Variants in EPHA5 observed in about 807,000 individuals in gnomAD.
EPHA5 encodes ephrin type-A receptor 5.
EPHA5 carries 60 observed loss-of-function variants against 105.0 expected under a neutral mutation model. That is an observed-to-expected ratio of 0.57 (90% CI 0.46 to 0.71). EPHA5 has a LOEUF of 0.71. Ranked by LOEUF, EPHA5 falls within the 30% of genes least tolerant of loss-of-function variation. The pLI is 0.00. For synonymous variants in EPHA5, 513 were observed against 449.1 expected, an observed-to-expected ratio of 1.14 and a Z score of -1.80; for missense variants, 1,218 against 1,274.7, an observed-to-expected ratio of 0.96 and a Z score of 0.68.
chr4:65,394,631 C>T (rs549696609), intron 8 of EPHA5, among the ~76,000 whole-genome samples: 1 of 152,062 alleles, frequency 6.6e-6, no homozygotes, highest in South Asian at 2.1e-4. Context: ...TTCTCTGTGT[C>T]AAGGAAGTTT....
intron 2 of EPHA5, among the ~76,000 whole-genome samples, chr4:65,609,932 C>T (rs770737720): frequency 2.3e-4 from 35 of 151,938 alleles, no homozygotes; most frequent in Non-Finnish European, 3.8e-4. Flanking sequence ...TGCTATTCTA[C>T]TTTTAATGAG....
At chr4:65,510,160 G>A (rs573881220) in intron 3 of EPHA5, among the ~76,000 whole-genome samples, 9 of 149,746 alleles carry the variant, frequency 6.0e-5, no homozygotes, top group East Asian at 2.0e-4. Context: ...TCAGCCTCCC[G>A]AGTAGCTGGT....
At chr4:65,362,081 C>T (rs543556829) in intron 11 of EPHA5, among the ~76,000 whole-genome samples, 78 of 151,478 alleles carry the variant, frequency 5.1e-4, no homozygotes, top group Admixed American at 1.3e-3. Flanking sequence ...TTATGTCATT[C>T]GTCATGAAAG....
At chr4:65,598,613 C>T (rs138602946) in intron 3 of EPHA5, among the ~76,000 whole-genome samples, 1 of 152,054 alleles carries the variant, frequency 6.6e-6, no homozygotes, top group Non-Finnish European at 1.5e-5. Context: ...AATAATAGTT[C>T]TAAATTGTTT....
chr4:65,345,591 A>C (rs1411486879), intron 14 of EPHA5, among the ~76,000 whole-genome samples: 1 of 152,212 alleles, frequency 6.6e-6, no homozygotes, highest in Non-Finnish European at 1.5e-5. Flanking sequence ...GAGAGGAACT[A>C]TGGAAAGTCG....
chr4:65,383,384 G>C (rs10025570), intron 8 of EPHA5, among the ~76,000 whole-genome samples: 7,704 of 151,772 alleles, frequency 0.051, 322 homozygotes, highest in East Asian at 0.1. Flanking sequence ...AGGTTAGAAA[G>C]AGTTATGTTC....
intron 16 of EPHA5, chr4:65,331,439 G>A (rs1230931294): frequency 2.4e-5 from 25 of 1,046,384 alleles, no homozygotes; most frequent in Non-Finnish European, 2.9e-5. Context: ...ACAAATCAGA[G>A]GCGGGATCTG....
intron 8 of EPHA5, among the ~76,000 whole-genome samples, chr4:65,401,430 C>T (rs996061389): frequency 1.3e-5 from 2 of 151,878 alleles, no homozygotes; most frequent in African/African-American, 4.8e-5. Flanking sequence ...GTAGTTTGTC[C>T]ATGAAGAGTA....
At chr4:65,567,882 T>A (rs1041438861) in intron 3 of EPHA5, among the ~76,000 whole-genome samples, 1 of 151,586 alleles carries the variant, frequency 6.6e-6, no homozygotes, top group Non-Finnish European at 1.5e-5. Flanking sequence ...AGTCTGATCC[T>A]CCTGTTTAAA....
intron 5 of EPHA5, among the ~76,000 whole-genome samples, chr4:65,425,951 C>T (rs949439583): frequency 6.6e-6 from 1 of 152,040 alleles, no homozygotes; most frequent in Non-Finnish European, 1.5e-5. Context: ...CTTGCTTAGT[C>T]CTTAGAATAT....
At chr4:65,429,573 A>G (rs1724781971) in intron 5 of EPHA5, among the ~76,000 whole-genome samples, 1 of 152,074 alleles carries the variant, frequency 6.6e-6, no homozygotes, top group Admixed American at 6.6e-5. Flanking sequence ...CAAAACAAAC[A>G]CATCATAAAT....
intron 8 of EPHA5, among the ~76,000 whole-genome samples, chr4:65,383,278 A>G (rs1200716628): frequency 6.6e-6 from 1 of 151,026 alleles, no homozygotes; most frequent in Non-Finnish European, 1.5e-5. Flanking sequence ...TTCCATTAAG[A>G]AAATTAAAGT....
At chr4:65,458,364 A>G (rs1203208280) in intron 5 of EPHA5, among the ~76,000 whole-genome samples, 3 of 152,172 alleles carry the variant, frequency 2.0e-5, no homozygotes, top group Non-Finnish European at 2.9e-5. Flanking sequence ...TACAGCATGA[A>G]CTAGACCATT....
At chr4:65,460,648 G>T (rs1003174564) in intron 5 of EPHA5, among the ~76,000 whole-genome samples, 1 of 151,544 alleles carries the variant, frequency 6.6e-6, no homozygotes, top group Admixed American at 6.6e-5. Context: ...TAGTAGATAG[G>T]CAGGTAGATA....
In EPHA5 at chr4:65,574,631, T is replaced by TATATATATACATATATATATATACAC. The variant is rs1176951291; in HGVS notation, c.910+27009_910+27010insGTGTATATATATATATGTATATATAT. On this transcript the variant is annotated intron_variant, in intron 3 of 16. Transcript: ENST00000613740. ...ATATATACATATATATATATACACA[T>TATATATATACATATATATATATACAC]ATATATATACACATATATATACACA... Among the ~76,000 whole-genome samples, 292 of 81,292 alleles carry TATATATATACATATATATATATACAC rather than the reference T, an allele frequency of 3.6e-3. 12 individuals are homozygous for TATATATATACATATATATATATACAC. Among genetic ancestry groups the TATATATATACATATATATATATACAC allele is most frequent in the Non-Finnish European group, 5.6e-3 (199 of 35,276 alleles). 53.3% of individuals were successfully genotyped at this position (81,292 alleles called of 152,430 possible).
At chr4:65,446,975 A>ATTTTTTTT (rs397993760) in intron 5 of EPHA5, among the ~76,000 whole-genome samples, 46 of 112,914 alleles carry the variant, frequency 4.1e-4, no homozygotes, top group African/African-American at 4.8e-4. Context: ...TTAAAAGCTC[A>ATTTTTTTT]TTTTTTTTTT....
intron 3 of EPHA5, among the ~76,000 whole-genome samples, chr4:65,576,560 G>T (rs1448858284): frequency 1.3e-5 from 2 of 152,164 alleles, no homozygotes; most frequent in African/African-American, 2.4e-5. Context: ...TGACACTTTA[G>T]AGAACTTTAG....
chr4:65,509,830 T>C (rs1022746962), intron 3 of EPHA5, among the ~76,000 whole-genome samples: 3 of 152,124 alleles, frequency 2.0e-5, no homozygotes, highest in Admixed American at 1.3e-4. Context: ...AGCATAATCA[T>C]CAGATGAAGT....
chr4:65,486,600 TCTG>T (rs747925929), intron 5 of EPHA5, among the ~76,000 whole-genome samples: 6 of 152,212 alleles, frequency 3.9e-5, no homozygotes, highest in Non-Finnish European at 7.3e-5. Context: ...AAATTTAAAA[TCTG>T]CTGAAAAAAG....
Sources: gnomAD v4.1 joint callset for allele counts (sites outside exome capture counted in the v4.1 genomes callset) on GRCh38, gnomAD v4.1.1 for gene constraint, MANE v1.5 for transcripts, NCBI Gene and HGNC (gene_info 2026-07-23, HGNC 2026-07-21) for gene names.